PHLPP1: variants seen among roughly 807,000 people sequenced by gnomAD.
PHLPP1 encodes the protein PH domain leucine-rich repeat-containing protein phosphatase 1.
In PHLPP1, 42 loss-of-function variants were observed where a neutral mutation model predicts 117.2. That is an observed-to-expected ratio of 0.36 (90% CI 0.28 to 0.46). PHLPP1 has a LOEUF of 0.46. PHLPP1 is among the 20% of genes least tolerant of loss of function. The pLI, the probability that PHLPP1 is intolerant of heterozygous loss-of-function variation, is 1.00. For missense variants in PHLPP1, 2,084 were observed against 2,241.9 expected (o/e 0.93, Z 1.42); for synonymous variants, 1,042 against 970.7 (o/e 1.07, Z -1.37).
intron 1 of PHLPP1, among the ~76,000 whole-genome samples, chr18:62,721,644 GTTC>G (rs1288109707): frequency 6.6e-6 from 1 of 152,074 alleles, no homozygotes; most frequent in African/African-American, 2.4e-5. Flanking sequence ...GAGATAGTAA[GTTC>G]TTCTCCTTGA....
intron 1 of PHLPP1, among the ~76,000 whole-genome samples, chr18:62,785,299 G>A (rs1429732851): frequency 6.6e-6 from 1 of 152,216 alleles, no homozygotes; most frequent in Non-Finnish European, 1.5e-5. Flanking sequence ...TGTAACATCT[G>A]AAGCAGTGTT....
intron 14 of PHLPP1, among the ~76,000 whole-genome samples, chr18:62,964,780 A>G (rs1360854335): frequency 6.6e-6 from 1 of 152,228 alleles, no homozygotes. Context: ...TACAAACACC[A>G]GTAAATGAAA....
intron 4 of PHLPP1, among the ~76,000 whole-genome samples, chr18:62,870,738 A>C (rs905142231): frequency 6.6e-6 from 1 of 152,250 alleles, no homozygotes; most frequent in African/African-American, 2.4e-5. Context: ...CCTTTAACAA[A>C]TGAGCTATTT....
chr18:62,880,507 T>TTTTTG (rs151019733), intron 4 of PHLPP1, among the ~76,000 whole-genome samples: 6,565 of 152,238 alleles, frequency 0.043, 206 homozygotes, highest in Non-Finnish European at 0.065. Flanking sequence ...TTAAGGAATT[T>TTTTTG]TTTTGTTTTG....
intron 10 of PHLPP1, among the ~76,000 whole-genome samples, chr18:62,926,940 G>A (rs1450216233): frequency 6.6e-6 from 1 of 152,164 alleles, no homozygotes. Context: ...TCAAGCGACG[G>A]CAGATTCAGA....
At chr18:62,801,603 C>T (rs1913787470) in intron 1 of PHLPP1, among the ~76,000 whole-genome samples, 3 of 151,838 alleles carry the variant, frequency 2.0e-5, no homozygotes, top group Admixed American at 1.3e-4. Flanking sequence ...CAGGCATGCA[C>T]CACCATGCCC....
chr18:62,783,040 A>G (rs1188099432), intron 1 of PHLPP1, among the ~76,000 whole-genome samples: 2 of 141,444 alleles, frequency 1.4e-5, no homozygotes, highest in African/African-American at 5.2e-5. Flanking sequence ...GAATCTTTAA[A>G]TAATTTAGGG....
chr18:62,894,862 T>G (rs1916512071), intron 4 of PHLPP1, 149 bp from the exon 5 acceptor site: 1 of 573,494 alleles, frequency 1.7e-6, no homozygotes, highest in Non-Finnish European at 3.1e-6. Context: ...TGCATTCCAG[T>G]GCTGCTGCTC....
chr18:62,735,320 G>C (rs1911341103), intron 1 of PHLPP1, among the ~76,000 whole-genome samples: 1 of 152,062 alleles, frequency 6.6e-6, no homozygotes, highest in Non-Finnish European at 1.5e-5. Flanking sequence ...CTTAGTTCAA[G>C]TAATCCGCCT....
intron 3 of PHLPP1, among the ~76,000 whole-genome samples, chr18:62,849,830 A>ATATATATATATATAT (rs1465429883): frequency 5.7e-4 from 12 of 21,210 alleles, no homozygotes; most frequent in African/African-American, 1.3e-3. Context: ...AAAAAAAAAA[A>ATATATATATATATAT]AAATATATAT....
At chr18:62,744,657 T>A (rs140720226) in intron 1 of PHLPP1, among the ~76,000 whole-genome samples, 270 of 152,340 alleles carry the variant, frequency 1.8e-3, no homozygotes, top group African/African-American at 6.3e-3. Context: ...AACCTGATAA[T>A]GAAGGCATAG....
At chr18:62,723,395 A>G (rs936395065) in intron 1 of PHLPP1, among the ~76,000 whole-genome samples, 6 of 143,602 alleles carry the variant, frequency 4.2e-5, no homozygotes, top group Non-Finnish European at 8.9e-5. Context: ...GTTTTGGACC[A>G]TTTCAATAAT....
intron 12 of PHLPP1, among the ~76,000 whole-genome samples, chr18:62,954,336 G>A (rs1313299786): frequency 1.3e-5 from 2 of 152,156 alleles, no homozygotes; most frequent in East Asian, 1.9e-4. Flanking sequence ...ACATTCTATT[G>A]AATATATTTT....
intron 1 of PHLPP1, among the ~76,000 whole-genome samples, chr18:62,828,417 A>G (rs182287204): frequency 1.3e-5 from 2 of 152,290 alleles, no homozygotes; most frequent in Admixed American, 1.3e-4. Context: ...ACAATATGGT[A>G]CCTTTCCAGT....
chr18:62,892,348 C>T (rs975936870), intron 4 of PHLPP1, among the ~76,000 whole-genome samples: 5 of 151,924 alleles, frequency 3.3e-5, no homozygotes, highest in African/African-American at 4.8e-5. Context: ...CTCAGCCTCC[C>T]GAAGTGCTGG....
intron 3 of PHLPP1, among the ~76,000 whole-genome samples, chr18:62,841,062 A>G (rs1007988184): frequency 2.6e-5 from 4 of 151,794 alleles, no homozygotes. Context: ...TAATTTTTGT[A>G]TTTTTAGTAG....
intron 3 of PHLPP1, among the ~76,000 whole-genome samples, chr18:62,851,711 G>A (rs553815105): frequency 7.3e-4 from 111 of 151,934 alleles, no homozygotes; most frequent in African/African-American, 2.6e-3. Context: ...TGCCTGCCTC[G>A]GCCTCCCAAA....
At chr18:62,881,595 A>C (rs1420777405) in intron 4 of PHLPP1, among the ~76,000 whole-genome samples, 1 of 152,186 alleles carries the variant, frequency 6.6e-6, no homozygotes, top group Non-Finnish European at 1.5e-5. Context: ...ACTAGGATTC[A>C]GATAGGATGA....
chr18:62,853,530 C>T (rs1187282763), intron 3 of PHLPP1, among the ~76,000 whole-genome samples: 1 of 151,958 alleles, frequency 6.6e-6, no homozygotes, highest in African/African-American at 2.4e-5. Context: ...CCACCCCACC[C>T]AGCTAATTTT....
Sources: allele counts gnomAD v4.1 joint callset (sites outside exome capture counted in the v4.1 genomes callset), GRCh38; gene constraint gnomAD v4.1.1; transcripts MANE v1.5; gene names NCBI Gene and HGNC (gene_info 2026-07-23, HGNC 2026-07-21).